Variants in KCNQ3 observed in about 807,000 individuals in gnomAD.
KCNQ3 encodes the protein potassium voltage-gated channel subfamily KQT member 3.
Under a neutral mutation model 92.5 loss-of-function variants are expected in KCNQ3, and 30 were observed. That is an observed-to-expected ratio of 0.32 (90% confidence interval 0.24 to 0.44). KCNQ3 has a LOEUF of 0.44. Among genes scored for constraint, KCNQ3 ranks in the 20% least tolerant of loss-of-function variants. The probability of loss-of-function intolerance (pLI) is 1.00; values close to 1 mark genes in which losing one functional copy is unlikely to be tolerated. For synonymous variants in KCNQ3, 450 were observed against 468.8 expected, an observed-to-expected ratio of 0.96 and a Z score of 0.52; for missense variants, 913 against 1,140.3, an observed-to-expected ratio of 0.80 and a Z score of 2.87.
chr8:132,160,683 T>C (rs1825958205), intron 9 of KCNQ3, among the ~76,000 whole-genome samples: 1 of 149,362 alleles, frequency 6.7e-6, no homozygotes, highest in African/African-American at 2.6e-5. Context: ...CTGTCGCTTA[T>C]GAGGGCTGTC....
At chr8:132,423,936 C>A (rs1821038924) in intron 1 of KCNQ3, among the ~76,000 whole-genome samples, 2 of 151,996 alleles carry the variant, frequency 1.3e-5, no homozygotes, top group South Asian at 2.1e-4. Flanking sequence ...TGAGCACAAC[C>A]AAAACTAGGT....
intron 1 of KCNQ3, among the ~76,000 whole-genome samples, chr8:132,221,975 C>T (rs1814253622): frequency 6.6e-6 from 1 of 152,116 alleles, no homozygotes; most frequent in Non-Finnish European, 1.5e-5. Flanking sequence ...AGAAGAAAAC[C>T]TAGGCAATAC....
intron 1 of KCNQ3, among the ~76,000 whole-genome samples, chr8:132,230,017 C>T (rs946642315): frequency 6.6e-6 from 1 of 152,154 alleles, no homozygotes; most frequent in African/African-American, 2.4e-5. Flanking sequence ...CTCACTTTTT[C>T]AAGTCTACTC....
At chr8:132,296,866 T>G (rs542850382) in intron 1 of KCNQ3, among the ~76,000 whole-genome samples, 1 of 152,134 alleles carries the variant, frequency 6.6e-6, no homozygotes, top group African/African-American at 2.4e-5. Flanking sequence ...GCATGTGTCT[T>G]TATAGCAGCA....
intron 1 of KCNQ3, among the ~76,000 whole-genome samples, chr8:132,261,808 T>C (rs1022531080): frequency 6.6e-6 from 1 of 152,188 alleles, no homozygotes; most frequent in African/African-American, 2.4e-5. Context: ...ATCTAGGCTA[T>C]AGAATAAAAT....
At chr8:132,173,060 C>T (rs967982264) in intron 6 of KCNQ3, among the ~76,000 whole-genome samples, 9 of 152,176 alleles carry the variant, frequency 5.9e-5, no homozygotes, top group African/African-American at 2.2e-4. Context: ...TTATAAACTG[C>T]CAGTAAGGGG....
intron 7 of KCNQ3, 68 bp from the exon 8 acceptor site, chr8:132,170,496 C>A: frequency 1.0e-6 from 1 of 959,814 alleles, no homozygotes; most frequent in South Asian, 1.3e-5. Context: ...GACTCCCACA[C>A]CAACAAAACA....
chr8:132,361,417 GACCTTTTAAAATT>G (rs1819168293), intron 1 of KCNQ3, among the ~76,000 whole-genome samples: 1 of 152,156 alleles, frequency 6.6e-6, no homozygotes, highest in Non-Finnish European at 1.5e-5. Flanking sequence ...TTAATGTACT[GACCTTTTAAAATT>G]AATAGAATAT....
intron 1 of KCNQ3, among the ~76,000 whole-genome samples, chr8:132,269,526 A>G (rs1035966251): frequency 2.0e-5 from 3 of 151,892 alleles, no homozygotes; most frequent in Non-Finnish European, 1.5e-5. Flanking sequence ...CAGCTCTCTC[A>G]GTGATTTTGG....
At position 132,140,177 on chromosome 8, in the gene KCNQ3, A is replaced by G. The variant is rs2130942553; in HGVS notation, c.1467T>C (p.Asp489=). 1 of 1,611,350 alleles carries G rather than the reference A, an allele frequency of 6.2e-7. No homozygotes were observed. The highest frequency in any genetic ancestry group is 1.7e-5 in the Admixed American group (1 of 59,996). Residue 489 remains aspartate (D), a splice_region_variant and synonymous_variant, in exon 11 of 15, where the codon GAT becomes GAC. Transcript: ENST00000388996. ...KAYAFWQSSE[D]AGTGDPMAED... is the part of the protein sequence containing the mutation. ...CCGCCATGGGGTCACCTGTCCCGGC[A>G]TCTGGGAGGGAGACACACATATGAA...
At chr8:132,298,521 A>C (rs1449998692) in intron 1 of KCNQ3, among the ~76,000 whole-genome samples, 3 of 152,142 alleles carry the variant, frequency 2.0e-5, no homozygotes, top group African/African-American at 7.2e-5. Context: ...TGAATGCTTA[A>C]TTATGCCTGG....
chr8:132,284,488 A>AC (rs1554640699), intron 1 of KCNQ3, among the ~76,000 whole-genome samples: 1 of 150,406 alleles, frequency 6.6e-6, no homozygotes, highest in Non-Finnish European at 1.5e-5. Context: ...AACTCTATAG[A>AC]TTTTTTTTTT....
chr8:132,312,164 C>G (rs531618825), intron 1 of KCNQ3, among the ~76,000 whole-genome samples: 5 of 152,260 alleles, frequency 3.3e-5, no homozygotes, highest in African/African-American at 1.2e-4. Context: ...CTTCTTGTCT[C>G]CAGAGCTGTG....
At chr8:132,251,694 ATGTTATGTATCACTATAGGCT>A in intron 1 of KCNQ3, among the ~76,000 whole-genome samples, 1 of 152,162 alleles carries the variant, frequency 6.6e-6, no homozygotes, top group Non-Finnish European at 1.5e-5. Flanking sequence ...CCCACCATTA[ATGTTATGTATCACTATAGGCT>A]ACTCAAGTTC....
At chr8:132,249,071 CTCAGGAG>C (rs1475915520) in intron 1 of KCNQ3, among the ~76,000 whole-genome samples, 1 of 152,106 alleles carries the variant, frequency 6.6e-6, no homozygotes, top group Non-Finnish European at 1.5e-5. Context: ...TCTCGCTGGC[CTCAGGAG>C]TGAAGCTGCA....
At position 132,136,779 on chromosome 8, in the gene KCNQ3, A is replaced by G. The variant is rs116312785; in HGVS notation, c.1700+1106T>C. Among the ~76,000 whole-genome samples the G allele has an allele frequency of 4.9e-3, 743 of 152,194 alleles. 6 individuals carry two copies. Among genetic ancestry groups the G allele is most frequent in the African/African-American group, 0.017 (721 of 41,526 alleles). ...GTCCGCATGTATTATTGGTAATTAT[A>G]TCATGCATATATATCCACAAATCAT... On this transcript the variant is annotated intron_variant, in intron 12 of 14. Coordinates refer to ENST00000388996, the MANE Select transcript of KCNQ3 (RefSeq NM_004519.4).
intron 1 of KCNQ3, among the ~76,000 whole-genome samples, chr8:132,271,463 A>G (rs1224883239): frequency 1.3e-5 from 2 of 152,144 alleles, no homozygotes; most frequent in Non-Finnish European, 2.9e-5. Flanking sequence ...GAACTCTGCA[A>G]CCCAGCTTGT....
intron 1 of KCNQ3, among the ~76,000 whole-genome samples, chr8:132,463,601 G>A (rs1176366052): frequency 6.6e-6 from 1 of 152,184 alleles, no homozygotes. Flanking sequence ...GTGTGGTCTA[G>A]GCAAGTGTTT....
intron 1 of KCNQ3, among the ~76,000 whole-genome samples, chr8:132,250,705 C>T (rs1815378508): frequency 6.6e-6 from 1 of 152,104 alleles, no homozygotes; most frequent in Admixed American, 6.5e-5. Context: ...CGGGTTGAGA[C>T]ACTGGTGTCT....
Sources: gnomAD v4.1 joint callset for allele counts (sites outside exome capture counted in the v4.1 genomes callset) on GRCh38, gnomAD v4.1.1 for gene constraint, MANE v1.5 for transcripts, NCBI Gene and HGNC (gene_info 2026-07-23, HGNC 2026-07-21) for gene names.